SLC39A11: variants seen among roughly 807,000 people sequenced by gnomAD.
SLC39A11 encodes the protein solute carrier family 39 member 11.
A neutral mutation model predicts 36.1 loss-of-function variants in SLC39A11; 33 were observed. The ratio of observed to expected loss-of-function variants is 0.91; its 90% CI spans 0.69 to 1.22. SLC39A11 has a LOEUF of 1.22. SLC39A11 is among the 50% of genes most tolerant of loss of function. SLC39A11 has a pLI of 0.00. For synonymous variants in SLC39A11, 166 were observed against 170.3 expected, an observed-to-expected ratio of 0.97 and a Z score of 0.20; for missense variants, 432 against 430.3, an observed-to-expected ratio of 1.00 and a Z score of -0.03.
intron 6 of SLC39A11, among the ~76,000 whole-genome samples, chr17:72,847,722 G>A (rs940605222): frequency 6.6e-6 from 1 of 152,112 alleles, no homozygotes. Context: ...AGTCTTCATT[G>A]TGCAAGCAAA....
At chr17:73,055,710 C>T (rs148342814) in intron 3 of SLC39A11, among the ~76,000 whole-genome samples, 7 of 152,074 alleles carry the variant, frequency 4.6e-5, no homozygotes, top group African/African-American at 1.4e-4. Flanking sequence ...TGGGCTCAAA[C>T]GATTCTCCTG....
At chr17:72,674,409 G>A (rs913201143) in intron 7 of SLC39A11, among the ~76,000 whole-genome samples, 2 of 152,134 alleles carry the variant, frequency 1.3e-5, no homozygotes, top group African/African-American at 4.8e-5. Context: ...CTAATCCATG[G>A]TGTGGCTACA....
In SLC39A11 at chr17:72,925,104, A is replaced by C. The variant is rs116688792; in HGVS notation, c.430+22648T>G. On this transcript the variant is annotated intron_variant, in intron 5 of 9. Transcript: ENST00000255559. ...GGCAGGTGGGCCTCTCATGCTGTCC[A>C]GTGGAATTTCAGGATGGCCATGTGG... 5.3e-3 allele frequency among the ~76,000 whole-genome samples: 811 copies of C among 151,798 alleles called. 4 individuals are homozygous for C. The highest frequency in any genetic ancestry group is 0.018 in the African/African-American group (752 of 41,356).
Position 72,861,782 on chromosome 17 carries a change from A to ATATC in SLC39A11, c.431-11979_431-11978insGATA, listed in dbSNP as rs1271434359. On this transcript the variant is annotated intron_variant, in intron 5 of 9. Transcript: ENST00000255559. ...TATATATATATATATATATATATATATCCAATGCTATTTCATTAAGCCATT... is the reference window on the plus strand; with the variant it reads ...TATATATATATATATATATATATATATATCTCCAATGCTATTTCATTAAGCCATT... Among the ~76,000 whole-genome samples, 665 of 91,398 alleles carry ATATC rather than the reference A, an allele frequency of 7.3e-3. 7 individuals carry two copies. The highest frequency in any genetic ancestry group is 9.5e-3 in the Non-Finnish European group (425 of 44,680). The allele number at this position is 91,398 out of a possible 152,430, so 60.0% of individuals were successfully genotyped here.
intron 7 of SLC39A11, among the ~76,000 whole-genome samples, chr17:72,705,275 A>G (rs902964620): frequency 5.9e-5 from 9 of 152,238 alleles, no homozygotes; most frequent in African/African-American, 2.2e-4. Flanking sequence ...AAAGGCGGTT[A>G]TCAAGGTCCT....
chr17:72,793,586 CTTTT>C (rs948134534), intron 6 of SLC39A11, among the ~76,000 whole-genome samples: 1 of 152,018 alleles, frequency 6.6e-6, no homozygotes, highest in African/African-American at 2.4e-5. Flanking sequence ...GGAAATGCTT[CTTTT>C]TTTAATTTTT....
chr17:72,665,587 T>A (rs1355707719), intron 7 of SLC39A11, among the ~76,000 whole-genome samples: 1 of 151,766 alleles, frequency 6.6e-6, no homozygotes, highest in African/African-American at 2.4e-5. Context: ...GGGGTCTCAC[T>A]ATATTTCCCC....
At chr17:72,756,457 A>G (rs932646030) in intron 6 of SLC39A11, among the ~76,000 whole-genome samples, 38 of 152,282 alleles carry the variant, frequency 2.5e-4, no homozygotes, top group African/African-American at 8.9e-4. Context: ...TGCCTTAAAA[A>G]GGAAGGAAAT....
chr17:72,714,848 G>C (rs750225311), intron 7 of SLC39A11, among the ~76,000 whole-genome samples: 6 of 152,202 alleles, frequency 3.9e-5, no homozygotes, highest in Non-Finnish European at 7.3e-5. Flanking sequence ...TCACCTGCCT[G>C]GCTGAAGAAG....
intron 3 of SLC39A11, among the ~76,000 whole-genome samples, chr17:73,038,607 T>G (rs1449069185): frequency 6.6e-6 from 1 of 150,934 alleles, no homozygotes; most frequent in Non-Finnish European, 1.5e-5. Flanking sequence ...TTTGGGAGGC[T>G]GAGACAGGAG....
chr17:73,048,051 C>CTTTACA (rs2059379434), intron 3 of SLC39A11, among the ~76,000 whole-genome samples: 1 of 132,662 alleles, frequency 7.5e-6, no homozygotes, highest in African/African-American at 2.8e-5. Flanking sequence ...CTGTGCCAAC[C>CTTTACA]TTTACATTTA....
At chr17:72,826,593 C>T (rs2078038515) in intron 6 of SLC39A11, among the ~76,000 whole-genome samples, 1 of 152,130 alleles carries the variant, frequency 6.6e-6, no homozygotes, top group Admixed American at 6.6e-5. Context: ...AACTTCCTGA[C>T]ATTTTATATA....
chr17:72,798,518 A>G (rs2076975586), intron 6 of SLC39A11, among the ~76,000 whole-genome samples: 1 of 150,184 alleles, frequency 6.7e-6, no homozygotes, highest in African/African-American at 2.5e-5. Context: ...GGTTCATGCA[A>G]TTCTCCGACC....
intron 6 of SLC39A11, among the ~76,000 whole-genome samples, chr17:72,742,229 T>C (rs2074740614): frequency 6.6e-6 from 1 of 151,414 alleles, no homozygotes; most frequent in Non-Finnish European, 1.5e-5. Flanking sequence ...CTACGTGAGG[T>C]GGCTGACACT....
intron 5 of SLC39A11, among the ~76,000 whole-genome samples, chr17:72,927,385 T>C (rs951895729): frequency 7.2e-5 from 11 of 152,192 alleles, no homozygotes; most frequent in Non-Finnish European, 1.3e-4. Flanking sequence ...TGAACCAGTG[T>C]TCACTGAAGC....
intron 5 of SLC39A11, among the ~76,000 whole-genome samples, chr17:72,911,891 G>T (rs570773777): frequency 6.6e-6 from 1 of 152,250 alleles, no homozygotes; most frequent in East Asian, 1.9e-4. Flanking sequence ...TGATCTGCCC[G>T]CCTTGGCCTC....
At chr17:73,048,766 G>A (rs117260456) in intron 3 of SLC39A11, among the ~76,000 whole-genome samples, 2,850 of 152,226 alleles carry the variant, frequency 0.019, 43 homozygotes, top group Middle Eastern at 0.034. Context: ...GCCTACAAGC[G>A]GATACTACGT....
chr17:73,048,214 T>C (rs1182221005), intron 3 of SLC39A11, among the ~76,000 whole-genome samples: 1 of 151,800 alleles, frequency 6.6e-6, no homozygotes. Context: ...GAGTCTTCAG[T>C]GCTTCTTTTT....
chr17:72,886,701 T>TA (rs1340176654), intron 5 of SLC39A11, among the ~76,000 whole-genome samples: 1 of 152,224 alleles, frequency 6.6e-6, no homozygotes, highest in Non-Finnish European at 1.5e-5. Context: ...TGTCATACTC[T>TA]AATTGAGATC....
Sources: allele counts gnomAD v4.1 joint callset (sites outside exome capture counted in the v4.1 genomes callset), GRCh38; gene constraint gnomAD v4.1.1; transcripts MANE v1.5; gene names NCBI Gene and HGNC (gene_info 2026-07-23, HGNC 2026-07-21).